The following KIAA1549 variants were observed in gnomAD, a reference collection of about 807,000 sequenced individuals.
The protein encoded by KIAA1549 is UPF0606 protein KIAA1549.
A neutral mutation model predicts 156.4 loss-of-function variants in KIAA1549; 70 were observed. That is an observed-to-expected ratio of 0.45 (90% CI 0.37 to 0.55). KIAA1549 has a LOEUF of 0.55. Among genes scored for constraint, KIAA1549 ranks in the 20% least tolerant of loss-of-function variants. The pLI is 0.00. For synonymous variants in KIAA1549, 1,103 were observed against 1,066.4 expected, an observed-to-expected ratio of 1.03 and a Z score of -0.67; for missense variants, 2,428 against 2,540.9, an observed-to-expected ratio of 0.96 and a Z score of 0.96.
intron 10 of KIAA1549, among the ~76,000 whole-genome samples, chr7:138,885,433 C>G (rs1474669115): frequency 6.6e-6 from 1 of 152,288 alleles, no homozygotes; most frequent in Middle Eastern, 3.4e-3. Flanking sequence ...CTGCCCCCGT[C>G]TCTTGCCCGA....
chr7:138,976,357 G>A (rs557017872), intron 1 of KIAA1549, among the ~76,000 whole-genome samples: 3 of 152,230 alleles, frequency 2.0e-5, no homozygotes, highest in South Asian at 2.1e-4. Context: ...CACCGCGCCC[G>A]GCCTCAACAT....
At chr7:138,960,529 C>T (rs972364150) in intron 1 of KIAA1549, among the ~76,000 whole-genome samples, 2 of 151,922 alleles carry the variant, frequency 1.3e-5, no homozygotes, top group Non-Finnish European at 2.9e-5. Context: ...AGGCTGGTCT[C>T]GAACTCCTAA....
chr7:138,866,219 A>T (rs1446713077), intron 15 of KIAA1549, among the ~76,000 whole-genome samples: 3 of 152,196 alleles, frequency 2.0e-5, no homozygotes, highest in Non-Finnish European at 4.4e-5. Context: ...TAGATCAAGA[A>T]GGTCGGTCTT....
At chr7:138,926,790 A>G (rs953113381) in intron 1 of KIAA1549, among the ~76,000 whole-genome samples, 32 of 152,110 alleles carry the variant, frequency 2.1e-4, no homozygotes, top group African/African-American at 6.8e-4. Flanking sequence ...ATTATCAAAT[A>G]TTAAGTAGAT....
intron 1 of KIAA1549, among the ~76,000 whole-genome samples, chr7:138,953,072 G>A (rs1354568666): frequency 6.6e-6 from 1 of 152,204 alleles, no homozygotes; most frequent in African/African-American, 2.4e-5. Flanking sequence ...AAAAGCAGCT[G>A]TAGCTGGGCA....
intron 1 of KIAA1549, among the ~76,000 whole-genome samples, chr7:138,953,694 T>C (rs1328404547): frequency 1.3e-5 from 2 of 152,240 alleles, no homozygotes; most frequent in Non-Finnish European, 2.9e-5. Context: ...AAGAATTTAA[T>C]TGGAAATGTT....
intron 12 of KIAA1549, among the ~76,000 whole-genome samples, chr7:138,874,413 T>C (rs6968601): frequency 0.028 from 4,263 of 152,298 alleles, 180 homozygotes; most frequent in African/African-American, 0.097. Flanking sequence ...AAAATAAGTA[T>C]GTGAGGTAAT....
Position 138,837,877 on chromosome 7 carries a change from T to TA in KIAA1549, c.*28dup, listed in dbSNP as rs1471950604. 6.2e-7 allele frequency: 1 copy of TA among 1,606,882 alleles called. No individual in the cohort carries two copies. Among genetic ancestry groups the TA allele is most frequent in the South Asian group, 1.1e-5 (1 of 89,592 alleles). On this transcript the variant is annotated 3_prime_UTR_variant, in exon 20 of 20. Coordinates refer to ENST00000422774, the MANE Select transcript of KIAA1549 (RefSeq NM_001164665.2). ...TGGTCTTGCTTCCACAGGAAGCGGA[T>TA]ACTTGGCAAATCTGCGAGGCGAGGC...
chr7:138,864,962 C>T (rs1810695816), intron 15 of KIAA1549, among the ~76,000 whole-genome samples: 1 of 152,188 alleles, frequency 6.6e-6, no homozygotes, highest in Non-Finnish European at 1.5e-5. Context: ...GGTTTGGTGG[C>T]TCATGTCTAT....
intron 17 of KIAA1549, among the ~76,000 whole-genome samples, chr7:138,847,674 G>A (rs1810118075): frequency 6.6e-6 from 1 of 152,170 alleles, no homozygotes; most frequent in East Asian, 1.9e-4. Flanking sequence ...ATTTAGAATG[G>A]TCCTAACACC....
rs78860023 is a variant in KIAA1549 at position 138,935,027 on chromosome 7, G to A, written c.188-15589C>T. ...ATCTCCAACTTGCTCAGTGCCCCCCGGAGAAATCCCTCGTAATTAGTCACC... is the reference window on the plus strand; with the variant it reads ...ATCTCCAACTTGCTCAGTGCCCCCCAGAGAAATCCCTCGTAATTAGTCACC... On this transcript the variant is annotated intron_variant, in intron 1 of 19. Coordinates refer to ENST00000422774, the MANE Select transcript of KIAA1549 (RefSeq NM_001164665.2). Among the ~76,000 whole-genome samples the A allele has an allele frequency of 4.9e-3, 750 of 152,196 alleles. 11 individuals are homozygous for A. Among genetic ancestry groups the A allele is most frequent in the African/African-American group, 0.017 (713 of 41,532 alleles).
rs1211678531 is a variant in KIAA1549, at chr7:138,833,401, AAAG to A, written c.*4502_*4504del. The A allele has an allele frequency of 4.3e-6, 1 of 232,640 alleles. No individual in the cohort carries two copies. Among genetic ancestry groups the A allele is most frequent in the Non-Finnish European group, 8.5e-6 (1 of 117,668 alleles). The allele number at this position is 232,640 out of a possible 1,614,324, so 14.4% of individuals were successfully genotyped here. A position where few individuals can be genotyped will look rare whatever the true frequency, so the allele number is the denominator to read the frequency against. ...GGAACACTTAGAAAAAAGTTGTGCGAAAGAAGGAACGCTGAACCTGTCCACGGG... is the reference window on the plus strand; with the variant it reads ...GGAACACTTAGAAAAAAGTTGTGCGAAAGGAACGCTGAACCTGTCCACGGG... On this transcript the variant is annotated 3_prime_UTR_variant, in exon 20 of 20. Coordinates refer to ENST00000422774, the MANE Select transcript of KIAA1549 (RefSeq NM_001164665.2).
At chr7:138,970,423 C>G (rs1181652060) in intron 1 of KIAA1549, among the ~76,000 whole-genome samples, 1 of 152,246 alleles carries the variant, frequency 6.6e-6, no homozygotes, top group Non-Finnish European at 1.5e-5. Context: ...GAACCCGCTA[C>G]TGCTCCTACC....
intron 1 of KIAA1549, among the ~76,000 whole-genome samples, chr7:138,967,072 G>A (rs771067233): frequency 3.3e-5 from 5 of 152,122 alleles, no homozygotes; most frequent in South Asian, 4.1e-4. Flanking sequence ...GACACCTACC[G>A]CGGAGTAACA....
intron 8 of KIAA1549, among the ~76,000 whole-genome samples, chr7:138,900,293 C>T (rs1358457514): frequency 6.6e-6 from 1 of 152,164 alleles, no homozygotes; most frequent in Admixed American, 6.5e-5. Context: ...ACAATCTGTT[C>T]TTTATGCTTC....
At chr7:138,974,136 G>C (rs983493598) in intron 1 of KIAA1549, among the ~76,000 whole-genome samples, 3 of 152,184 alleles carry the variant, frequency 2.0e-5, no homozygotes, top group African/African-American at 7.2e-5. Flanking sequence ...AACAGGTAAA[G>C]AAAAATTGCT....
chr7:138,847,958 C>A (rs1417297182), intron 17 of KIAA1549, among the ~76,000 whole-genome samples: 2 of 152,092 alleles, frequency 1.3e-5, no homozygotes, highest in Non-Finnish European at 2.9e-5. Flanking sequence ...TAAATGACAT[C>A]TTTGAAATTT....
At chr7:138,950,617 A>G (rs865969447) in intron 1 of KIAA1549, among the ~76,000 whole-genome samples, 19 of 152,204 alleles carry the variant, frequency 1.2e-4, no homozygotes, top group South Asian at 4.1e-4. Flanking sequence ...CAACCCTCAC[A>G]TAAGTTCGGT....
chr7:138,911,599 T>A (rs931060122), intron 3 of KIAA1549, among the ~76,000 whole-genome samples: 2 of 152,196 alleles, frequency 1.3e-5, no homozygotes, highest in Non-Finnish European at 2.9e-5. Flanking sequence ...TTAAAACACA[T>A]AGACAAGAGT....
Sources: allele counts gnomAD v4.1 joint callset (sites outside exome capture counted in the v4.1 genomes callset), GRCh38; gene constraint gnomAD v4.1.1; transcripts MANE v1.5; gene names NCBI Gene and HGNC (gene_info 2026-07-23, HGNC 2026-07-21).